SPIDR: variants seen among roughly 807,000 people sequenced by gnomAD.
The protein encoded by SPIDR is scaffold protein involved in DNA repair.
A neutral mutation model predicts 104.6 loss-of-function variants in SPIDR; 93 were observed. The observed-to-expected ratio is 0.89, with a 90% CI of 0.75 to 1.06. The LOEUF (loss-of-function observed/expected upper bound fraction) is 1.06. Ranked by LOEUF, SPIDR falls within the 50% of genes least tolerant of loss-of-function variation. The pLI is 0.00. For missense variants in SPIDR, 1,154 were observed against 1,111.2 expected, an observed-to-expected ratio of 1.04 and a Z score of -0.55; for synonymous variants, 431 against 416.9, an observed-to-expected ratio of 1.03 and a Z score of -0.41.
At chr8:47,263,034 A>G (rs2154209135) in intron 1 of SPIDR, among the ~76,000 whole-genome samples, 1 of 152,316 alleles carries the variant, frequency 6.6e-6, no homozygotes, top group East Asian at 1.9e-4. Flanking sequence ...TGTATTAACT[A>G]ATTTAATTAT....
In SPIDR at chr8:47,599,142, G is replaced by T. The variant is rs1410579422; in HGVS notation, c.1490G>T (p.Ser497Ile). 1.2e-5 allele frequency: 20 copies of T among 1,613,610 alleles called. No homozygotes were observed. Among genetic ancestry groups the T allele is most frequent in the Non-Finnish European group, 1.7e-5 (20 of 1,179,912 alleles). ...GTGTATTCTCTTCCCAGCAGAGACA[G>T]CACCAGGGGTCAGCAGGGGGCCAGC... is the stretch of plus-strand genomic sequence containing the variant. ...QRVYSLPSRDSTRGQQGASSG... is the reference protein window; with the variant it reads ...QRVYSLPSRDITRGQQGASSG... The change falls in exon 10 of 20, where the codon AGC (serine) becomes ATC (isoleucine). Residue 497 changes from serine to isoleucine, a missense_variant. Physicochemically the swap from Ser to Ile is moderately radical, Grantham distance 142. Transcript: ENST00000297423.
chr8:47,627,889 C>T (rs1430438618), intron 10 of SPIDR, among the ~76,000 whole-genome samples: 3 of 152,168 alleles, frequency 2.0e-5, no homozygotes, highest in Admixed American at 6.5e-5. Context: ...TTTATAGCAG[C>T]GGACCAGCTG....
At chr8:47,328,079 C>T (rs1273122200) in intron 5 of SPIDR, among the ~76,000 whole-genome samples, 1 of 147,174 alleles carries the variant, frequency 6.8e-6, no homozygotes, top group Non-Finnish European at 1.5e-5. Flanking sequence ...GAAAAAAGTT[C>T]AGTTTATCTA....
chr8:47,735,228 GCT>G, intron 19 of SPIDR, 77 bp from the exon 20 acceptor site: 2 of 1,414,048 alleles, frequency 1.4e-6, no homozygotes, highest in South Asian at 1.2e-5. Context: ...TTCCACTCTG[GCT>G]CTCTGGTTTT....
intron 14 of SPIDR, among the ~76,000 whole-genome samples, chr8:47,703,632 C>CTTAAT (rs1371442891): frequency 6.6e-6 from 1 of 152,206 alleles, no homozygotes; most frequent in Non-Finnish European, 1.5e-5. Context: ...TTGAATTTAA[C>CTTAAT]TTAATTTTTA....
At chr8:47,731,123 G>T (rs756446271) in intron 19 of SPIDR, among the ~76,000 whole-genome samples, 1 of 152,076 alleles carries the variant, frequency 6.6e-6, no homozygotes, top group African/African-American at 2.4e-5. Context: ...GGGTGTGGTG[G>T]TGCGCATCTG....
chr8:47,699,813 C>T (rs947392174), intron 11 of SPIDR, among the ~76,000 whole-genome samples: 1 of 152,226 alleles, frequency 6.6e-6, no homozygotes, highest in Non-Finnish European at 1.5e-5. Context: ...CCTCAGCCTC[C>T]CAAAGTGCTG....
chr8:47,544,896 G>T (rs2088964914), intron 8 of SPIDR, among the ~76,000 whole-genome samples: 1 of 152,006 alleles, frequency 6.6e-6, no homozygotes, highest in South Asian at 2.1e-4. Flanking sequence ...ATATTATTTT[G>T]GAAAGAATTG....
At chr8:47,261,061 G>C in intron 1 of SPIDR, 70 bp downstream of exon 1, 5 of 1,221,700 alleles carry the variant, frequency 4.1e-6, no homozygotes, top group Non-Finnish European at 5.1e-6. Flanking sequence ...GCCGGCGCGG[G>C]GCTGGCCCCG....
At chr8:47,303,811 G>A (rs1467318838) in intron 5 of SPIDR, among the ~76,000 whole-genome samples, 3 of 152,072 alleles carry the variant, frequency 2.0e-5, no homozygotes, top group African/African-American at 7.2e-5. Flanking sequence ...ATGGTAGCTT[G>A]GATTACAGGC....
At chr8:47,397,490 C>T (rs533695343) in intron 6 of SPIDR, among the ~76,000 whole-genome samples, 24 of 152,086 alleles carry the variant, frequency 1.6e-4, no homozygotes, top group Non-Finnish European at 2.5e-4. Flanking sequence ...GGCAAGACTC[C>T]GTCTCTAAAA....
At chr8:47,422,036 A>C (rs534773722) in intron 7 of SPIDR, among the ~76,000 whole-genome samples, 1 of 152,202 alleles carries the variant, frequency 6.6e-6, no homozygotes, top group Admixed American at 6.5e-5. Flanking sequence ...GGTGCCTCAC[A>C]GTTGGGCTAC....
At chr8:47,334,858 T>C (rs1332143994) in intron 5 of SPIDR, among the ~76,000 whole-genome samples, 2 of 152,196 alleles carry the variant, frequency 1.3e-5, no homozygotes, top group South Asian at 2.1e-4. Context: ...GAGCATTTTA[T>C]ATGATTCTAT....
intron 8 of SPIDR, among the ~76,000 whole-genome samples, chr8:47,580,505 A>G (rs1308530661): frequency 6.6e-6 from 1 of 152,190 alleles, no homozygotes; most frequent in Non-Finnish European, 1.5e-5. Flanking sequence ...AAATTTGTCC[A>G]CAGCCACACA....
chr8:47,589,199 C>T (rs912036280), intron 8 of SPIDR, among the ~76,000 whole-genome samples: 1 of 151,902 alleles, frequency 6.6e-6, no homozygotes, highest in South Asian at 2.1e-4. Context: ...GTATCTGGAC[C>T]TGGAGATACC....
chr8:47,438,608 C>T (rs1554694096), intron 7 of SPIDR, among the ~76,000 whole-genome samples: 5 of 152,226 alleles, frequency 3.3e-5, no homozygotes, highest in African/African-American at 1.2e-4. Flanking sequence ...TTTCATTCCT[C>T]TGTTCCCTTC....
At chr8:47,529,217 C>T (rs973114569) in intron 8 of SPIDR, among the ~76,000 whole-genome samples, 4 of 152,036 alleles carry the variant, frequency 2.6e-5, no homozygotes, top group East Asian at 1.9e-4. Context: ...GTCAGGAGAT[C>T]GAGACCATCC....
At chr8:47,397,508 C>CA (rs1430151034) in intron 6 of SPIDR, among the ~76,000 whole-genome samples, 6 of 151,392 alleles carry the variant, frequency 4.0e-5, no homozygotes, top group African/African-American at 4.8e-5. Flanking sequence ...AAAACAACAA[C>CA]AAAAAAAAGA....
chr8:47,475,808 G>GC (rs1403587561), intron 8 of SPIDR, among the ~76,000 whole-genome samples: 82 of 152,092 alleles, frequency 5.4e-4, no homozygotes, highest in African/African-American at 1.9e-3. Context: ...TACAGTATCC[G>GC]CCCCCCGCAC....
Sources: allele counts gnomAD v4.1 joint callset (sites outside exome capture counted in the v4.1 genomes callset), GRCh38; gene constraint gnomAD v4.1.1; transcripts MANE v1.5; gene names NCBI Gene and HGNC (gene_info 2026-07-23, HGNC 2026-07-21).